Variants in COL25A1 observed in about 807,000 individuals in gnomAD.
COL25A1 encodes the protein collagen type XXV alpha 1 chain, also known as collagen alpha-1(XXV) chain.
A neutral mutation model predicts 128.4 loss-of-function variants in COL25A1; 103 were observed. That is an observed-to-expected ratio of 0.80 (90% CI 0.68 to 0.94). The LOEUF is 0.94. Among genes scored for constraint, COL25A1 ranks in the 40% least tolerant of loss-of-function variants. COL25A1 has a pLI of 0.00. For synonymous variants in COL25A1, 279 were observed against 277.2 expected (o/e 1.01, Z -0.06); for missense variants, 745 against 840.0 (o/e 0.89, Z 1.40).
intron 6 of COL25A1, among the ~76,000 whole-genome samples, chr4:108,980,825 A>G (rs932052679): frequency 5.9e-5 from 9 of 152,250 alleles, no homozygotes; most frequent in Non-Finnish European, 1.3e-4. Flanking sequence ...GCCGTCCTCT[A>G]GGAGCACAGC....
At chr4:109,160,668 C>T (rs1046322809) in intron 3 of COL25A1, among the ~76,000 whole-genome samples, 9 of 152,120 alleles carry the variant, frequency 5.9e-5, no homozygotes, top group African/African-American at 1.9e-4. Flanking sequence ...GTTGGTCCTA[C>T]AAACAGTCAG....
At chr4:109,143,617 TTC>T (rs1055558512) in intron 3 of COL25A1, among the ~76,000 whole-genome samples, 1 of 152,208 alleles carries the variant, frequency 6.6e-6, no homozygotes, top group African/African-American at 2.4e-5. Context: ...CCATTCTTTT[TTC>T]TCTAATCTTG....
At chr4:109,002,171 T>C (rs1258030387) in intron 6 of COL25A1, among the ~76,000 whole-genome samples, 2 of 152,186 alleles carry the variant, frequency 1.3e-5, no homozygotes, top group Non-Finnish European at 2.9e-5. Flanking sequence ...AAAATTAAAA[T>C]AGAACTACTA....
At chr4:108,908,282 C>T (rs936532686) in intron 13 of COL25A1, among the ~76,000 whole-genome samples, 2 of 152,116 alleles carry the variant, frequency 1.3e-5, no homozygotes, top group Non-Finnish European at 2.9e-5. Flanking sequence ...CTCAGGAAGG[C>T]GTCATCACTG....
chr4:108,901,341 G>A (rs1293802972), intron 13 of COL25A1, among the ~76,000 whole-genome samples, 169 bp from the exon 14 acceptor site: 2 of 152,218 alleles, frequency 1.3e-5, no homozygotes, highest in South Asian at 4.1e-4. Context: ...TGCATGTAAT[G>A]GAGCAAGGAT....
chr4:109,243,275 T>C (rs1309846101), intron 3 of COL25A1, among the ~76,000 whole-genome samples: 1 of 152,038 alleles, frequency 6.6e-6, no homozygotes, highest in African/African-American at 2.4e-5. Flanking sequence ...TCCATGCATC[T>C]TCATGCTATC....
chr4:108,996,288 G>A (rs1754759449), intron 6 of COL25A1, among the ~76,000 whole-genome samples: 13 of 118,954 alleles, frequency 1.1e-4, no homozygotes, highest in Non-Finnish European at 1.9e-4. Flanking sequence ...CAAGCAAATG[G>A]GAAAAAAAAA....
At chr4:109,276,520 C>A (rs1722867525) in intron 3 of COL25A1, among the ~76,000 whole-genome samples, 1 of 151,844 alleles carries the variant, frequency 6.6e-6, no homozygotes, top group Non-Finnish European at 1.5e-5. Context: ...GGAAATCTTA[C>A]AAAACTGGGT....
At chr4:108,971,228 A>G (rs917193441) in intron 8 of COL25A1, among the ~76,000 whole-genome samples, 3 of 152,186 alleles carry the variant, frequency 2.0e-5, no homozygotes, top group Admixed American at 1.3e-4. Context: ...TGAAATTATC[A>G]GCTTCTTGAG....
chr4:108,932,896 G>A (rs573545239), intron 11 of COL25A1, among the ~76,000 whole-genome samples: 19 of 152,234 alleles, frequency 1.2e-4, no homozygotes, highest in Admixed American at 7.2e-4. Context: ...TTTCATTCTT[G>A]GGTCTAGTTT....
intron 3 of COL25A1, among the ~76,000 whole-genome samples, chr4:109,224,796 C>T (rs1258580436): frequency 5.3e-5 from 8 of 152,070 alleles, no homozygotes; most frequent in East Asian, 1.9e-4. Flanking sequence ...AAAAATTAGC[C>T]GGGTGTGGTG....
chr4:109,285,995 T>C (rs1314065538), intron 3 of COL25A1, among the ~76,000 whole-genome samples: 5 of 152,172 alleles, frequency 3.3e-5, no homozygotes, highest in East Asian at 1.9e-4. Flanking sequence ...GCTGGTGGAA[T>C]AGAAGTAGGA....
rs145808810 is a variant in COL25A1 at position 109,143,899 on chromosome 4, A to T, written c.368-93720T>A. 7.6e-3 allele frequency among the ~76,000 whole-genome samples: 1,151 copies of T among 152,182 alleles called. 14 individuals carry two copies. Among genetic ancestry groups the T allele is most frequent in the African/African-American group, 0.026 (1,090 of 41,502 alleles). On this transcript the variant is annotated intron_variant, in intron 3 of 37. Transcript: ENST00000399132. ...ACCTTCTGAAACCTACTTCTGGTCA[A>T]TTCGTCAAACTCATTCTCTGTCCAG...
chr4:109,225,956 T>A (rs1211649564), intron 3 of COL25A1, among the ~76,000 whole-genome samples: 1 of 151,404 alleles, frequency 6.6e-6, no homozygotes, highest in African/African-American at 2.4e-5. Flanking sequence ...ATATGCATAC[T>A]ATTGTAATGA....
intron 6 of COL25A1, among the ~76,000 whole-genome samples, chr4:108,999,912 A>G (rs1268763457): frequency 3.3e-5 from 5 of 152,178 alleles, no homozygotes; most frequent in Non-Finnish European, 7.3e-5. Flanking sequence ...TGGGAGATGA[A>G]CAACAAGAAC....
chr4:109,269,483 T>G (rs1170446808), intron 3 of COL25A1, among the ~76,000 whole-genome samples: 1 of 148,900 alleles, frequency 6.7e-6, no homozygotes, highest in Non-Finnish European at 1.5e-5. Flanking sequence ...GTATTTCTAG[T>G]TCTAGATCCC....
At chr4:109,051,188 T>A (rs192810251) in intron 3 of COL25A1, among the ~76,000 whole-genome samples, 1 of 152,264 alleles carries the variant, frequency 6.6e-6, no homozygotes, top group African/African-American at 2.4e-5. Context: ...TTCCAAACTT[T>A]AGAAAGTTCA....
chr4:108,858,139 A>G (rs1736737151), intron 24 of COL25A1, among the ~76,000 whole-genome samples: 1 of 152,168 alleles, frequency 6.6e-6, no homozygotes, highest in Non-Finnish European at 1.5e-5. Context: ...CAGGAAGGGC[A>G]TGACTATAGA....
rs565383033 is a variant in COL25A1 at position 109,233,227 on chromosome 4, A to G, written c.367+67356T>C. 5.3e-5 allele frequency among the ~76,000 whole-genome samples: 8 copies of G among 152,310 alleles called. No individual in the cohort carries two copies. The South Asian group carries it at 1.2e-3, about 24-fold the overall frequency. The stretch of plus-strand genomic sequence containing the variant: ...AGCACAACAGAGGAATGTACTGCCT[A>G]ATGAAAACATAATTACTTTTATAAT... On this transcript the variant is annotated intron_variant, in intron 3 of 37. Transcript: ENST00000399132.
Sources: allele counts gnomAD v4.1 joint callset (sites outside exome capture counted in the v4.1 genomes callset), GRCh38; gene constraint gnomAD v4.1.1; transcripts MANE v1.5; gene names NCBI Gene and HGNC (gene_info 2026-07-23, HGNC 2026-07-21).